NEDD9: variants seen among roughly 807,000 people sequenced by gnomAD.
NEDD9 encodes neural precursor cell expressed, developmentally down-regulated 9, also known as enhancer of filamentation 1.
A neutral mutation model predicts 76.6 loss-of-function variants in NEDD9; 26 were observed. That is an observed-to-expected ratio of 0.34 (90% CI 0.25 to 0.47). NEDD9 has a LOEUF of 0.47. Among genes scored for constraint, NEDD9 ranks in the 20% least tolerant of loss-of-function variants. The probability of loss-of-function intolerance (pLI) is 1.00; values close to 1 mark genes in which losing one functional copy is unlikely to be tolerated. For synonymous variants in NEDD9, 392 were observed against 414.2 expected (o/e 0.95, Z 0.65); for missense variants, 937 against 1,058.5 (o/e 0.89, Z 1.59).
intron 1 of NEDD9, among the ~76,000 whole-genome samples, chr6:11,231,591 G>A (rs1038438894): frequency 3.3e-5 from 5 of 152,142 alleles, no homozygotes; most frequent in African/African-American, 1.2e-4. Flanking sequence ...TAAAATAGTA[G>A]CACTAGCACT....
chr6:11,338,267 C>T (rs759990830), intron 1 of NEDD9, among the ~76,000 whole-genome samples: 2 of 152,150 alleles, frequency 1.3e-5, no homozygotes, highest in East Asian at 1.9e-4. Context: ...TAGGGTGATG[C>T]CTCTACAAGC....
Position 11,190,780 on chromosome 6 carries a change from A to G in NEDD9, c.1089T>C (p.Asp363=). The part of the protein sequence containing the change: ...PDAKGSRDLV[D]GINRLSFSST... ...TGGAGAAAGACAATCGGTTGATCCC[A>G]TCCACCAAGTCCCGAGAGCCTTTAG... Residue 363 remains aspartate (D), a synonymous_variant, in exon 5 of 7, where the codon GAT becomes GAC. Coordinates refer to ENST00000379446, the MANE Select transcript of NEDD9 (RefSeq NM_006403.4). The surrounding 1 kb of genome is among the most constrained non-coding windows in gnomAD (Gnocchi z 5.8). 3 of 1,614,182 alleles carry G rather than the reference A, an allele frequency of 1.9e-6. No individual in the cohort carries two copies. Among genetic ancestry groups the G allele is most frequent in the Non-Finnish European group, 2.5e-6 (3 of 1,180,042 alleles).
At chr6:11,312,721 G>A (rs556654982) in intron 2 of NEDD9, among the ~76,000 whole-genome samples, 4 of 147,780 alleles carry the variant, frequency 2.7e-5, no homozygotes, top group African/African-American at 9.9e-5. Flanking sequence ...TTTTTAAAGA[G>A]TCTTTGTCTT....
chr6:11,216,370 C>A (rs529610214), intron 1 of NEDD9, among the ~76,000 whole-genome samples: 1 of 152,210 alleles, frequency 6.6e-6, no homozygotes, highest in Non-Finnish European at 1.5e-5. Context: ...CCGAAGCTTA[C>A]GGCTCCAGGG....
chr6:11,347,908 C>T (rs1762393665), intron 1 of NEDD9, among the ~76,000 whole-genome samples: 1 of 152,196 alleles, frequency 6.6e-6, no homozygotes, highest in South Asian at 2.1e-4. Flanking sequence ...TCTCTCACCA[C>T]TCCTATGCAA....
Position 11,193,501 on chromosome 6 carries a change from A to C in NEDD9, c.561+90T>G, listed in dbSNP as rs574058945. On this transcript the variant is annotated intron_variant, in intron 3 of 6. Transcript: ENST00000379446. ...AGCTTCATATGACATATATTAATGCATAATTTGTGAACTCCCTTTTCTCTA... is the reference window on the plus strand; with the variant it reads ...AGCTTCATATGACATATATTAATGCCTAATTTGTGAACTCCCTTTTCTCTA... 56 of 937,306 alleles carry C rather than the reference A, an allele frequency of 6.0e-5. No individual in the cohort carries two copies. In the African/African-American group the frequency reaches 6.5e-4, roughly 11 times the overall value. 58.1% of individuals were successfully genotyped at this position (937,306 alleles called of 1,614,324 possible).
chr6:11,256,854 C>T (rs1470120785), intron 3 of NEDD9, among the ~76,000 whole-genome samples: 2 of 152,246 alleles, frequency 1.3e-5, no homozygotes, highest in Non-Finnish European at 2.9e-5. Context: ...ATTTAGGTGA[C>T]ATTCTGTCCT....
Position 11,336,697 on chromosome 6 carries a change from A to G in NEDD9, c.-213-2136T>C, listed in dbSNP as rs533889694. On this transcript the variant is annotated intron_variant, in intron 1 of 3. Coordinates refer to the NEDD9 transcript ENST00000397378. ...CTACATTTATCAAACAATTTTTCTT[A>G]CTCCAATAATAAATTACCCTTAGCT... Among the ~76,000 whole-genome samples the G allele has an allele frequency of 1.1e-4, 16 of 152,216 alleles. No homozygotes were observed. In the East Asian group the frequency reaches 3.1e-3, roughly 29 times the overall value.
At chr6:11,255,481 G>A (rs1440058728) in intron 3 of NEDD9, among the ~76,000 whole-genome samples, 11 of 152,164 alleles carry the variant, frequency 7.2e-5, no homozygotes, top group South Asian at 2.1e-4. Context: ...AAGGACTGAG[G>A]AGAATAGAAT....
At chr6:11,203,975 TA>T (rs59959052) in intron 2 of NEDD9, among the ~76,000 whole-genome samples, 109 of 149,392 alleles carry the variant, frequency 7.3e-4, no homozygotes, top group South Asian at 3.8e-3. Flanking sequence ...ATCTTTTCTT[TA>T]AAAAAAAAAA....
chr6:11,243,527 C>T (rs1249397418), intron 3 of NEDD9, among the ~76,000 whole-genome samples: 1 of 152,188 alleles, frequency 6.6e-6, no homozygotes, highest in East Asian at 1.9e-4. Context: ...AACCCCCAGC[C>T]TCCATTGTCC....
chr6:11,190,107 G>A lies in NEDD9; in HGVS notation c.1762C>T (p.Leu588=), dbSNP rs1315279992. The part of the protein sequence containing the change: ...EYPHGGSQGQ[L]LHPGDHKAQA... Reference sequence around the variant, plus strand: ...GCCTTGTGGTCACCAGGATGCAGCAGCTGTCCCTGGGAGCCACCGTGTGGG... The same window carrying A: ...GCCTTGTGGTCACCAGGATGCAGCAACTGTCCCTGGGAGCCACCGTGTGGG... The change falls in exon 5 of 7, where the codon CTG becomes TTG. Residue 588 remains leucine, a synonymous_variant. Coordinates refer to ENST00000379446, the MANE Select transcript of NEDD9 (RefSeq NM_006403.4). This position sits in a 1 kb window ranked among gnomAD's most constrained non-coding sequence, Gnocchi z 5.8. The A allele has an allele frequency of 2.5e-6, 4 of 1,611,282 alleles. No individual in the cohort carries two copies. The highest frequency in any genetic ancestry group is 2.5e-6 in the Non-Finnish European group (3 of 1,178,328).
In NEDD9 at chr6:11,190,537, G is replaced by A. The variant is rs1758110885; in HGVS notation, c.1332C>T (p.His444=). ...CCACTGCTGTGCGTATTTCATTGAT[G>A]TGTCTTTCCATATATCCGTAACACC... is the stretch of plus-strand genomic sequence containing the variant. ...DWRCYGYMER[H]INEIRTAVDK... is the part of the protein sequence containing the mutation. Residue 444 remains histidine (H), a synonymous_variant, in exon 5 of 7, where the codon CAC becomes CAT. Transcript: ENST00000379446. The surrounding 1 kb of genome is among the most constrained non-coding windows in gnomAD (Gnocchi z 5.8). 1.2e-6 allele frequency: 2 copies of A among 1,614,182 alleles called. No individual in the cohort carries two copies. The highest frequency in any genetic ancestry group is 1.7e-6 in the Non-Finnish European group (2 of 1,180,036).
chr6:11,317,911 G>A (rs905891786), intron 2 of NEDD9, among the ~76,000 whole-genome samples: 16 of 152,170 alleles, frequency 1.1e-4, no homozygotes, highest in Admixed American at 6.5e-4. Flanking sequence ...TAAAGCAGGT[G>A]GCCCTCCCGA....
At chr6:11,247,659 A>G (rs1201519869) in intron 3 of NEDD9, among the ~76,000 whole-genome samples, 1 of 152,170 alleles carries the variant, frequency 6.6e-6, no homozygotes, top group African/African-American at 2.4e-5. Context: ...GGCAATAGCA[A>G]TTTATAACTG....
At chr6:11,188,129 A>C (rs1160609091) in intron 6 of NEDD9, 89 bp downstream of exon 6, 2 of 1,038,336 alleles carry the variant, frequency 1.9e-6, no homozygotes, top group Non-Finnish European at 3.0e-6. Context: ...GAAGAATCAA[A>C]ATCATAATCT....
At position 11,198,080 on chromosome 6, in the gene NEDD9, C is replaced by G. The variant is rs989199560; in HGVS notation, c.460-4388G>C. Among the ~76,000 whole-genome samples, 2 of 151,936 alleles carry G rather than the reference C, an allele frequency of 1.3e-5. No individual in the cohort carries two copies. Among genetic ancestry groups the G allele is most frequent in the Non-Finnish European group, 2.9e-5 (2 of 67,986 alleles). On this transcript the variant is annotated intron_variant, in intron 2 of 6. Transcript: ENST00000379446. This position sits in a 1 kb window ranked among gnomAD's most constrained non-coding sequence, Gnocchi z 4.7. ...GAAGAAACAAGCCAGGCTTTGGTGC[C>G]GGGGAGACAGAACTCCTTCTACCGA...
chr6:11,210,775 G>GAGAC (rs1200908748), intron 2 of NEDD9, among the ~76,000 whole-genome samples: 1 of 151,070 alleles, frequency 6.6e-6, no homozygotes, highest in African/African-American at 2.4e-5. Flanking sequence ...GGGAGAGAGA[G>GAGAC]AGAGAGAGAG....
chr6:11,278,028 G>A (rs911044673), intron 3 of NEDD9, among the ~76,000 whole-genome samples: 7 of 152,122 alleles, frequency 4.6e-5, no homozygotes, highest in African/African-American at 7.2e-5. Flanking sequence ...GCAAGAGGTC[G>A]GAGGCTGGAG....
Sources: allele counts gnomAD v4.1 joint callset (sites outside exome capture counted in the v4.1 genomes callset), GRCh38; gene constraint gnomAD v4.1.1; non-coding constraint Gnocchi (gnomAD v3.1); transcripts MANE v1.5; gene names NCBI Gene and HGNC (gene_info 2026-07-23, HGNC 2026-07-21).